ADAMTSL3: variants seen among roughly 807,000 people sequenced by gnomAD.
The protein encoded by ADAMTSL3 is ADAMTS like 3, also known as ADAMTS-like protein 3.
A neutral mutation model predicts 201.7 loss-of-function variants in ADAMTSL3; 128 were observed. The observed-to-expected ratio is 0.63, with a 90% CI of 0.55 to 0.73. ADAMTSL3 has a LOEUF of 0.73. ADAMTSL3 is among the 30% of genes least tolerant of loss of function. The probability of loss-of-function intolerance (pLI) is 0.00; values close to 1 mark genes in which losing one functional copy is unlikely to be tolerated. For missense variants in ADAMTSL3, 1,990 were observed against 2,119.6 expected, an observed-to-expected ratio of 0.94 and a Z score of 1.20; for synonymous variants, 738 against 748.4, an observed-to-expected ratio of 0.99 and a Z score of 0.23.
intron 16 of ADAMTSL3, among the ~76,000 whole-genome samples, chr15:83,917,521 C>T (rs922107712): frequency 4.6e-5 from 7 of 152,146 alleles, no homozygotes; most frequent in African/African-American, 1.4e-4. Context: ...TGTGTGTGCA[C>T]ACACATACTC....
chr15:83,862,725 A>C lies in ADAMTSL3; in HGVS notation c.802+3885A>C, dbSNP rs570266472. ...AACTGCATCAACTAATGGGCAAAAT[A>C]ACCAGCTAACATCATAATGACAGGA... On this transcript the variant is annotated intron_variant, in intron 8 of 29. Coordinates refer to ENST00000286744, the MANE Select transcript of ADAMTSL3 (RefSeq NM_207517.3). 3.9e-5 allele frequency: 6 copies of C among 152,290 alleles called. No homozygotes were observed. The South Asian group carries it at 8.3e-4, about 21-fold the overall frequency. 9.4% of individuals were successfully genotyped at this position (152,290 alleles called of 1,614,324 possible).
chr15:83,889,522 A>G (rs1031729574), intron 10 of ADAMTSL3, among the ~76,000 whole-genome samples: 7 of 152,240 alleles, frequency 4.6e-5, no homozygotes, highest in Admixed American at 4.6e-4. Flanking sequence ...CAGATACACA[A>G]AAAAACAACC....
chr15:83,801,651 A>AATATATCT (rs2063519124), intron 4 of ADAMTSL3, among the ~76,000 whole-genome samples: 1 of 31,288 alleles, frequency 3.2e-5, no homozygotes, highest in Non-Finnish European at 6.7e-5. Flanking sequence ...TATAAATATA[A>AATATATCT]ATATATATAT....
intron 6 of ADAMTSL3, among the ~76,000 whole-genome samples, chr15:83,835,900 TA>T (rs1234665203): frequency 1.3e-5 from 2 of 152,212 alleles, no homozygotes; most frequent in Non-Finnish European, 2.9e-5. Context: ...ACTTGGGTTT[TA>T]AAACCATTAC....
At chr15:83,781,632 A>G (rs932102476) in intron 4 of ADAMTSL3, among the ~76,000 whole-genome samples, 2 of 152,230 alleles carry the variant, frequency 1.3e-5, no homozygotes, top group East Asian at 1.9e-4. Context: ...AAGTTTCTGC[A>G]TAGCAAAGGA....
intron 4 of ADAMTSL3, among the ~76,000 whole-genome samples, chr15:83,804,112 C>T (rs927369196): frequency 1.3e-5 from 2 of 151,848 alleles, no homozygotes; most frequent in African/African-American, 4.8e-5. Flanking sequence ...CATTGCACTC[C>T]AGCCTGGGCG....
chr15:83,898,937 G>T (rs1160079587), intron 14 of ADAMTSL3, among the ~76,000 whole-genome samples: 1 of 152,094 alleles, frequency 6.6e-6, no homozygotes, highest in Non-Finnish European at 1.5e-5. Flanking sequence ...TACAAACATT[G>T]ACTACTTAAC....
chr15:83,732,060 C>A (rs965510327), intron 3 of ADAMTSL3, among the ~76,000 whole-genome samples: 3 of 151,934 alleles, frequency 2.0e-5, no homozygotes, highest in Non-Finnish European at 4.4e-5. Context: ...CAAAAGTAAC[C>A]ATGTGAGGAG....
chr15:83,989,032 G>A lies in ADAMTSL3; in HGVS notation c.3844+214G>A, dbSNP rs574225529. Among the ~76,000 whole-genome samples the A allele has an allele frequency of 9.2e-5, 14 of 151,750 alleles. No individual in the cohort carries two copies. The East Asian group carries it at 1.2e-3, about 13-fold the overall frequency. On this transcript the variant is annotated intron_variant, in intron 22 of 29. Transcript: ENST00000286744. ...GAGTAGCTGGGGACTACAGGCGCCC[G>A]CCACCACGCCCGGCTAATTTTTTGT...
chr15:83,905,932 A>G (rs2065823726), intron 15 of ADAMTSL3, among the ~76,000 whole-genome samples: 1 of 150,110 alleles, frequency 6.7e-6, no homozygotes, highest in East Asian at 2.0e-4. Context: ...AGTTTTTTTT[A>G]TGGTTCATGT....
chr15:83,812,152 G>T (rs920807939), intron 5 of ADAMTSL3, among the ~76,000 whole-genome samples: 1 of 152,130 alleles, frequency 6.6e-6, no homozygotes, highest in African/African-American at 2.4e-5. Context: ...GTAATTACTT[G>T]AACTGCTTCC....
chr15:83,921,089 C>T, intron 16 of ADAMTSL3, among the ~76,000 whole-genome samples: 1 of 152,162 alleles, frequency 6.6e-6, no homozygotes, highest in East Asian at 1.9e-4. Flanking sequence ...TGGCTGTAAG[C>T]CTCCCTGTTC....
intron 19 of ADAMTSL3, chr15:83,945,926 C>T (rs2066647063): frequency 6.6e-6 from 1 of 152,326 alleles, no homozygotes; most frequent in South Asian, 2.1e-4. Flanking sequence ...TGAGTTAGCC[C>T]TTACATGTGT....
In ADAMTSL3 at chr15:83,970,480, T is replaced by G. The variant is rs201551235; in HGVS notation, c.2491-4T>G. The G allele has an allele frequency of 1.4e-5, 23 of 1,614,064 alleles. 1 individual carries two copies. In the South Asian group the frequency reaches 2.5e-4, roughly 18 times the overall value. The stretch of plus-strand genomic sequence containing the variant: ...TTGACTCTGTTGCACAACTCTCATT[T>G]CAGTGTTCTGTCAGTTGTGGTGTTG... On this transcript the variant is annotated splice_polypyrimidine_tract_variant and splice_region_variant and intron_variant, in intron 19 of 29. Coordinates refer to ENST00000286744, the MANE Select transcript of ADAMTSL3 (RefSeq NM_207517.3).
At chr15:83,842,104 T>A (rs2064391740) in intron 7 of ADAMTSL3, among the ~76,000 whole-genome samples, 1 of 150,396 alleles carries the variant, frequency 6.6e-6, no homozygotes, top group African/African-American at 2.4e-5. Context: ...TACCATTCAA[T>A]AAAACCTTGC....
At chr15:83,994,317 A>G (rs1387849110) in intron 23 of ADAMTSL3, among the ~76,000 whole-genome samples, 1 of 152,246 alleles carries the variant, frequency 6.6e-6, no homozygotes, top group Admixed American at 6.5e-5. Flanking sequence ...GAAAAATTCT[A>G]CAACTGTGGA....
rs55826815 is a variant in ADAMTSL3, at chr15:83,895,124, C to T, written c.1467+2236C>T. Among the ~76,000 whole-genome samples the T allele has an allele frequency of 4.8e-3, 735 of 152,204 alleles. 4 individuals carry two copies. The highest frequency in any genetic ancestry group is 7.1e-3 in the Non-Finnish European group (482 of 68,000). On this transcript the variant is annotated intron_variant, in intron 13 of 29. Transcript: ENST00000286744. ...TGGAAGGATTTTATTTTAGCAAGGTCGGTTTGTTCTTTGAACTCTTGAGTT... is the reference window on the plus strand; with the variant it reads ...TGGAAGGATTTTATTTTAGCAAGGTTGGTTTGTTCTTTGAACTCTTGAGTT...
intron 3 of ADAMTSL3, among the ~76,000 whole-genome samples, chr15:83,721,601 T>A (rs2062101582): frequency 6.6e-6 from 1 of 152,188 alleles, no homozygotes; most frequent in Non-Finnish European, 1.5e-5. Context: ...TCACGGAGCC[T>A]AGTACATGTT....
chr15:83,659,832 C>A (rs905413248), intron 2 of ADAMTSL3, among the ~76,000 whole-genome samples: 1 of 152,086 alleles, frequency 6.6e-6, no homozygotes, highest in Non-Finnish European at 1.5e-5. Flanking sequence ...GAGAATGTAG[C>A]CAGGAGCTAA....
Sources: allele counts gnomAD v4.1 joint callset (sites outside exome capture counted in the v4.1 genomes callset), GRCh38; gene constraint gnomAD v4.1.1; transcripts MANE v1.5; gene names NCBI Gene and HGNC (gene_info 2026-07-23, HGNC 2026-07-21).